Variants in SYTL3 observed in about 807,000 individuals in gnomAD.
SYTL3 encodes the protein synaptotagmin like 3, also known as synaptotagmin-like protein 3.
In SYTL3, 88 loss-of-function variants were observed where a neutral mutation model predicts 82.1. The ratio of observed to expected loss-of-function variants is 1.07; its 90% CI spans 0.90 to 1.28. The LOEUF (loss-of-function observed/expected upper bound fraction) is 1.28. SYTL3 is among the 50% of genes most tolerant of loss of function. The probability of loss-of-function intolerance (pLI) is 0.00; values close to 1 mark genes in which losing one functional copy is unlikely to be tolerated. For synonymous variants in SYTL3, 311 were observed against 289.4 expected, an observed-to-expected ratio of 1.07 and a Z score of -0.76; for missense variants, 831 against 757.6, an observed-to-expected ratio of 1.10 and a Z score of -1.14.
At chr6:158,693,068 C>T (rs561562442) in intron 6 of SYTL3, among the ~76,000 whole-genome samples, 18 of 152,224 alleles carry the variant, frequency 1.2e-4, no homozygotes, top group Non-Finnish European at 2.1e-4. Flanking sequence ...CCCTGCAATT[C>T]ATCCAATGGA....
chr6:158,737,617 T>C (rs1786359599), intron 11 of SYTL3, among the ~76,000 whole-genome samples: 1 of 152,206 alleles, frequency 6.6e-6, no homozygotes, highest in African/African-American at 2.4e-5. Flanking sequence ...GGCTGAGTTT[T>C]GGGTTGCGCT....
chr6:158,685,812 C>T (rs1779239765), intron 6 of SYTL3, among the ~76,000 whole-genome samples: 1 of 152,124 alleles, frequency 6.6e-6, no homozygotes, highest in African/African-American at 2.4e-5. Context: ...GAGTGAAACT[C>T]CATCTCAAAA....
chr6:158,719,636 G>T (rs1366824806), intron 10 of SYTL3, among the ~76,000 whole-genome samples: 1 of 152,198 alleles, frequency 6.6e-6, no homozygotes, highest in Non-Finnish European at 1.5e-5. Context: ...AGCTCCCTCC[G>T]AACTCCCTCC....
intron 13 of SYTL3, among the ~76,000 whole-genome samples, chr6:158,755,045 C>T (rs1030918017): frequency 2.0e-5 from 3 of 151,994 alleles, no homozygotes; most frequent in Admixed American, 6.6e-5. Context: ...GGGGCAGAGT[C>T]GGAAATGGAC....
intron 14 of SYTL3, 47 bp downstream of exon 14, chr6:158,757,428 G>C (rs1394477910): frequency 1.9e-6 from 3 of 1,589,526 alleles, no homozygotes; most frequent in Admixed American, 1.7e-5. Context: ...CACTGTGATA[G>C]ATAAATAACT....
intron 9 of SYTL3, among the ~76,000 whole-genome samples, chr6:158,717,486 A>C (rs1368725141): frequency 2.6e-5 from 4 of 152,112 alleles, no homozygotes; most frequent in Admixed American, 6.5e-5. Context: ...ACTATCTTCA[A>C]GGTGGTTCTC....
intron 5 of SYTL3, among the ~76,000 whole-genome samples, chr6:158,666,921 TC>T (rs1790132071): frequency 6.6e-6 from 1 of 152,232 alleles, no homozygotes; most frequent in Non-Finnish European, 1.5e-5. Context: ...GTGGCCGAAT[TC>T]GCCTTCTCAT....
intron 14 of SYTL3, 30 bp downstream of exon 14, chr6:158,757,411 C>G: frequency 6.2e-7 from 1 of 1,609,254 alleles, no homozygotes; most frequent in Admixed American, 1.7e-5. Context: ...TGAGTGCCCT[C>G]CATCCCCACT....
intron 2 of SYTL3, among the ~76,000 whole-genome samples, chr6:158,658,422 G>A (rs1788962467): frequency 6.6e-6 from 1 of 152,108 alleles, no homozygotes; most frequent in Non-Finnish European, 1.5e-5. Context: ...AGCGAGTCCC[G>A]CTGAAATGAA....
At position 158,743,049 on chromosome 6, in the gene SYTL3, GC is replaced by G. The variant is rs148697964; in HGVS notation, c.856-2425del. 3.8e-4 allele frequency among the ~76,000 whole-genome samples: 58 copies of G among 152,176 alleles called. No homozygotes were observed. In the East Asian group the frequency reaches 0.011, roughly 28 times the overall value. On this transcript the variant is annotated intron_variant, in intron 11 of 17. Coordinates refer to ENST00000611299, the MANE Select transcript of SYTL3 (RefSeq NM_001242394.2). Reference sequence around the variant, plus strand: ...CTTCGTAGCCTTGAATGCTGATTTTGCCCCCCAGTCCCGTTAGACTGCTGAA... The same window carrying G: ...CTTCGTAGCCTTGAATGCTGATTTTGCCCCCAGTCCCGTTAGACTGCTGAA...
chr6:158,676,208 T>G (rs1363913574), intron 5 of SYTL3, among the ~76,000 whole-genome samples: 1 of 152,144 alleles, frequency 6.6e-6, no homozygotes, highest in Non-Finnish European at 1.5e-5. Flanking sequence ...AAAACAGAGA[T>G]ATAGACCAAT....
intron 11 of SYTL3, among the ~76,000 whole-genome samples, chr6:158,734,025 G>A (rs966705129): frequency 6.1e-5 from 9 of 148,440 alleles, no homozygotes; most frequent in Non-Finnish European, 1.2e-4. Flanking sequence ...AACCTGGGAG[G>A]TGGAGCTTGC....
At position 158,651,442 on chromosome 6, in the gene SYTL3, G is replaced by T. The variant is rs530839260; in HGVS notation, c.-726-311G>T. Among the ~76,000 whole-genome samples the T allele has an allele frequency of 8.5e-5, 13 of 152,184 alleles. No individual in the cohort carries two copies. The South Asian group carries it at 2.7e-3, about 32-fold the overall frequency. On this transcript the variant is annotated intron_variant, in intron 1 of 17. Coordinates refer to ENST00000611299, the MANE Select transcript of SYTL3 (RefSeq NM_001242394.2). ...TCTACTAAAAAATACAAAAAAATTA[G>T]CTGGGTGTGGTGGCGGGCGCCTGTA...
chr6:158,699,776 C>T (rs1317249023), intron 6 of SYTL3, among the ~76,000 whole-genome samples: 1 of 151,512 alleles, frequency 6.6e-6, no homozygotes, highest in Non-Finnish European at 1.5e-5. Context: ...AGTGAAACCC[C>T]ATCACTACTA....
chr6:158,666,369 T>C (rs768149739), intron 5 of SYTL3, among the ~76,000 whole-genome samples: 1 of 152,192 alleles, frequency 6.6e-6, no homozygotes, highest in Non-Finnish European at 1.5e-5. Context: ...AATTGGTGTT[T>C]AGGGGGTTTT....
chr6:158,745,451 C>T lies in SYTL3; in HGVS notation c.856-29C>T, dbSNP rs1787502220. On this transcript the variant is annotated intron_variant, in intron 11 of 17. Transcript: ENST00000611299. ...CAAAAAAGTGAATTAACTGAAGTAA[C>T]TTATTATATCTGTTATTCTTGATTT... is the stretch of plus-strand genomic sequence containing the variant. 2.5e-6 allele frequency: 4 copies of T among 1,580,918 alleles called. No individual in the cohort carries two copies. The East Asian group carries it at 9.0e-5, about 36-fold the overall frequency.
chr6:158,720,643 G>A (rs1783999950), intron 10 of SYTL3, among the ~76,000 whole-genome samples: 1 of 152,176 alleles, frequency 6.6e-6, no homozygotes, highest in Admixed American at 6.5e-5. Flanking sequence ...ACCACTCAGA[G>A]GCTAACACTG....
At chr6:158,731,635 C>T (rs946752190) in intron 11 of SYTL3, among the ~76,000 whole-genome samples, 21 of 152,124 alleles carry the variant, frequency 1.4e-4, no homozygotes, top group African/African-American at 1.4e-4. Context: ...GCTCTGTCAC[C>T]CAGGCTGGAG....
At chr6:158,703,282 C>A (rs1781543057) in intron 6 of SYTL3, among the ~76,000 whole-genome samples, 1 of 152,082 alleles carries the variant, frequency 6.6e-6, no homozygotes, top group South Asian at 2.1e-4. Flanking sequence ...CTGAGACAAG[C>A]CCTGGCAGCC....
Sources: gnomAD v4.1 joint callset for allele counts (sites outside exome capture counted in the v4.1 genomes callset) on GRCh38, gnomAD v4.1.1 for gene constraint, MANE v1.5 for transcripts, NCBI Gene and HGNC (gene_info 2026-07-23, HGNC 2026-07-21) for gene names.